TSGA10: variants seen among roughly 807,000 people sequenced by gnomAD.
TSGA10 encodes testis specific 10, also known as testis-specific gene 10 protein.
In TSGA10, 43 loss-of-function variants were observed where a neutral mutation model predicts 96.6. The ratio of observed to expected loss-of-function variants is 0.44; its 90% CI spans 0.35 to 0.57. TSGA10 has a LOEUF of 0.57. Among genes scored for constraint, TSGA10 ranks in the 20% least tolerant of loss-of-function variants. TSGA10 has a pLI of 0.01. For synonymous variants in TSGA10, 229 were observed against 269.9 expected, an observed-to-expected ratio of 0.85 and a Z score of 1.48; for missense variants, 703 against 834.4, an observed-to-expected ratio of 0.84 and a Z score of 1.94.
intron 13 of TSGA10, among the ~76,000 whole-genome samples, chr2:99,072,374 T>C (rs868289507): frequency 5.3e-5 from 8 of 152,358 alleles, no homozygotes; most frequent in South Asian, 4.1e-4. Flanking sequence ...TCCAGACTTA[T>C]ATTTAACTGC....
chr2:99,136,887 C>T (rs2093350510), intron 1 of TSGA10, among the ~76,000 whole-genome samples: 1 of 148,430 alleles, frequency 6.7e-6, no homozygotes, highest in South Asian at 2.1e-4. Context: ...TTAGGATCTA[C>T]TCTTCATTCC....
chr2:99,019,361 A>T (rs941749069), intron 18 of TSGA10, among the ~76,000 whole-genome samples: 1 of 152,224 alleles, frequency 6.6e-6, no homozygotes, highest in African/African-American at 2.4e-5. Context: ...GTTTTGGCGT[A>T]TTTCACAAAA....
chr2:99,013,458 G>A (rs904343134), intron 20 of TSGA10, among the ~76,000 whole-genome samples: 8 of 151,668 alleles, frequency 5.3e-5, no homozygotes, highest in African/African-American at 1.7e-4. Flanking sequence ...TCAGCCTCCC[G>A]AGTGGCTGGG....
chr2:99,008,188 AG>A (rs1411381478), intron 20 of TSGA10, among the ~76,000 whole-genome samples: 1 of 152,232 alleles, frequency 6.6e-6, no homozygotes. Flanking sequence ...TTAAAGGAAA[AG>A]CTTTAAAATC....
rs2079705045 is a variant in TSGA10 at position 99,018,234 on chromosome 2, A to G, written c.2038T>C (p.Ser680Pro). ...GATCGATCTAGGCCTCGGTCAGGAG[A>G]TCGATGGTGAGCACGTTCTGGTGAA... is the stretch of plus-strand genomic sequence containing the variant. ...CHSPERAHHR[S>P]PDRGLDRSLE... Residue 680 changes from serine to proline, a missense_variant, in exon 20 of 21, where the codon TCT (serine) becomes CCT (proline). Around this residue, in one of 3 missense-constraint regions of TSGA10, gnomAD observed 69 missense variants for 81.3 expected, o/e 0.85. Coordinates refer to ENST00000393483, the MANE Select transcript of TSGA10 (RefSeq NM_025244.4). The G allele has an allele frequency of 1.9e-6, 3 of 1,613,954 alleles. No homozygotes were observed. The South Asian group carries it at 3.3e-5, about 18-fold the overall frequency.
intron 16 of TSGA10, among the ~76,000 whole-genome samples, chr2:99,046,314 T>G (rs929027573): frequency 1.3e-5 from 2 of 152,150 alleles, no homozygotes; most frequent in Non-Finnish European, 2.9e-5. Flanking sequence ...ATTGACCACA[T>G]AGTTGGAAGT....
At chr2:99,142,157 A>G (rs1237321159) in intron 1 of TSGA10, 2 of 152,220 alleles carry the variant, frequency 1.3e-5, no homozygotes, top group African/African-American at 2.4e-5. Flanking sequence ...TTCTTCTACC[A>G]ATTTTTTGGA....
chr2:99,011,320 C>T (rs187583128), intron 20 of TSGA10, among the ~76,000 whole-genome samples: 84 of 152,190 alleles, frequency 5.5e-4, no homozygotes, highest in Non-Finnish European at 1.0e-3. Context: ...TCAGTAGAGA[C>T]GGGATTTCGC....
intron 1 of TSGA10, among the ~76,000 whole-genome samples, chr2:99,130,549 CA>C (rs1385381025): frequency 6.6e-6 from 1 of 152,092 alleles, no homozygotes; most frequent in African/African-American, 2.4e-5. Context: ...GGGTAGATTG[CA>C]AATATTTTCT....
intron 1 of TSGA10, among the ~76,000 whole-genome samples, chr2:99,148,820 C>T (rs564183842): frequency 3.9e-5 from 6 of 151,914 alleles, no homozygotes; most frequent in Admixed American, 3.3e-4. Context: ...AAAATACAAA[C>T]GTTAGAGTTT....
chr2:99,042,727 G>A (rs1394506813), intron 16 of TSGA10, among the ~76,000 whole-genome samples: 13 of 150,468 alleles, frequency 8.6e-5, no homozygotes, highest in South Asian at 2.1e-4. Context: ...TTTTTGAGAC[G>A]GAGTCTTGCG....
At chr2:99,150,941 C>CT (rs1321490798) in intron 1 of TSGA10, 1 of 693,088 alleles carries the variant, frequency 1.4e-6, no homozygotes, top group Non-Finnish European at 2.5e-6. Context: ...TGATGGAAGA[C>CT]TATTGCCTTA....
intron 1 of TSGA10, among the ~76,000 whole-genome samples, chr2:99,131,052 T>TAA (rs2093057002): frequency 6.6e-6 from 1 of 152,198 alleles, no homozygotes; most frequent in African/African-American, 2.4e-5. Context: ...GTAGTATAGT[T>TAA]TGAAGTCAGG....
chr2:99,089,585 A>C (rs754356636), intron 10 of TSGA10, among the ~76,000 whole-genome samples: 4 of 152,070 alleles, frequency 2.6e-5, no homozygotes, highest in Non-Finnish European at 5.9e-5. Flanking sequence ...AGTGGGAGTG[A>C]GATTGGCCTT....
intron 16 of TSGA10, among the ~76,000 whole-genome samples, chr2:99,060,622 G>A (rs2084579322): frequency 6.6e-6 from 1 of 152,026 alleles, no homozygotes; most frequent in Non-Finnish European, 1.5e-5. Context: ...GAAATGCAGA[G>A]GACCCATAGT....
At chr2:99,016,880 C>T (rs1484103029) in intron 20 of TSGA10, among the ~76,000 whole-genome samples, 1 of 151,958 alleles carries the variant, frequency 6.6e-6, no homozygotes, top group Non-Finnish European at 1.5e-5. Context: ...ATACAAATGC[C>T]CAACAAACAT....
chr2:99,034,110 A>G (rs1390659623), intron 17 of TSGA10, among the ~76,000 whole-genome samples: 1 of 152,158 alleles, frequency 6.6e-6, no homozygotes, highest in Admixed American at 6.5e-5. Flanking sequence ...AAGAGGATCA[A>G]CTGCTTGAGA....
chr2:99,095,012 CA>C (rs1375484941), intron 10 of TSGA10, among the ~76,000 whole-genome samples: 4 of 152,102 alleles, frequency 2.6e-5, no homozygotes, highest in Non-Finnish European at 5.9e-5. Context: ...GTCCATCAAT[CA>C]ATAAATGGAT....
intron 10 of TSGA10, among the ~76,000 whole-genome samples, chr2:99,090,014 C>T (rs2089092606): frequency 6.6e-6 from 1 of 152,182 alleles, no homozygotes; most frequent in South Asian, 2.1e-4. Flanking sequence ...GTCCATTTCA[C>T]TCCCCTGCCA....
Sources: gnomAD v4.1 joint callset for allele counts (sites outside exome capture counted in the v4.1 genomes callset) on GRCh38, gnomAD v4.1.1 for gene constraint, gnomAD v4.1.1 regional missense constraint, MANE v1.5 for transcripts, NCBI Gene and HGNC (gene_info 2026-07-23, HGNC 2026-07-21) for gene names.